Variants in SLC39A10 observed in about 807,000 individuals in gnomAD.
SLC39A10 encodes the protein solute carrier family 39 member 10.
SLC39A10 carries 13 observed loss-of-function variants against 65.1 expected under a neutral mutation model. The ratio of observed to expected loss-of-function variants is 0.20; its 90% CI spans 0.13 to 0.32. The LOEUF (loss-of-function observed/expected upper bound fraction) is 0.32, where lower values mean the gene tolerates loss of function less well. Among genes scored for constraint, SLC39A10 ranks in the 10% least tolerant of loss-of-function variants. SLC39A10 has a pLI of 1.00. For missense variants in SLC39A10, 831 were observed against 1,018.4 expected, an observed-to-expected ratio of 0.82 and a Z score of 2.50; for synonymous variants, 321 against 342.2, an observed-to-expected ratio of 0.94 and a Z score of 0.68.
At chr2:195,645,781 A>C (rs189527336) in intron 2 of SLC39A10, among the ~76,000 whole-genome samples, 18 of 152,332 alleles carry the variant, frequency 1.2e-4, no homozygotes, top group Admixed American at 2.0e-4. Context: ...TTCCAAAGCT[A>C]ATGTTAATGT....
rs1222820082 is a variant in SLC39A10 at position 195,737,199 on chromosome 2, T to A, written c.*2158T>A. The A allele has an allele frequency of 1.3e-5, 2 of 152,670 alleles. No homozygotes were observed. Among genetic ancestry groups the A allele is most frequent in the Admixed American group, 6.5e-5 (1 of 15,280 alleles). 9.5% of individuals were successfully genotyped at this position (152,670 alleles called of 1,614,324 possible). A position where few individuals can be genotyped will look rare whatever the true frequency, so the allele number is the denominator to read the frequency against. On this transcript the variant is annotated 3_prime_UTR_variant, in exon 10 of 10. Coordinates refer to ENST00000359634, the MANE Select transcript of SLC39A10 (RefSeq NM_020342.3). ...GTATTAGGGTTCCACATCATTCTAA[T>A]GTATAGTTTCAAGTCTTAATAGACA...
intron 3 of SLC39A10, among the ~76,000 whole-genome samples, chr2:195,703,139 C>T (rs949036146): frequency 1.3e-5 from 2 of 152,164 alleles, no homozygotes; most frequent in Non-Finnish European, 2.9e-5. Context: ...CTTTGAAATA[C>T]CCCCTATCTC....
intron 9 of SLC39A10, among the ~76,000 whole-genome samples, chr2:195,729,173 G>C (rs946945827): frequency 6.6e-6 from 1 of 151,556 alleles, no homozygotes; most frequent in African/African-American, 2.4e-5. Context: ...ATAGAGATAG[G>C]GTCTTTCTAT....
chr2:195,613,189 T>C (rs10199208), intron 2 of SLC39A10, among the ~76,000 whole-genome samples: 64,778 of 151,840 alleles, frequency 0.43, 15,710 homozygotes, highest in Non-Finnish European at 0.56. Context: ...CACCCCACCC[T>C]TCTATCCTCC....
intron 2 of SLC39A10, among the ~76,000 whole-genome samples, chr2:195,617,704 C>CGTTTCTTTTATTTTATTTTATTTTA (rs1688247313): frequency 1.4e-5 from 2 of 138,034 alleles, no homozygotes; most frequent in Non-Finnish European, 3.1e-5. Flanking sequence ...GACCTTGTTT[C>CGTTTCTTTTATTTTATTTTATTTTA]TTTTCTTTTC....
chr2:195,694,999 A>G lies in SLC39A10; in HGVS notation c.1216+11093A>G, dbSNP rs560129664. On this transcript the variant is annotated intron_variant, in intron 3 of 9. Transcript: ENST00000359634. ...TCTCCGCGGGGCCGGAGTCCCTGCT[A>G]AAGTGCTTCTCGCTTCGCAGGTAGG... Among the ~76,000 whole-genome samples the G allele has an allele frequency of 2.8e-3, 431 of 152,242 alleles. 2 individuals carry two copies. Among genetic ancestry groups the G allele is most frequent in the Non-Finnish European group, 5.2e-3 (356 of 68,002 alleles).
intron 2 of SLC39A10, among the ~76,000 whole-genome samples, chr2:195,681,672 AT>A (rs1369595747): frequency 6.6e-6 from 1 of 152,072 alleles, no homozygotes; most frequent in African/African-American, 2.4e-5. Context: ...AAGTGTTTTA[AT>A]GTTGTTAGAA....
At chr2:195,661,852 A>G (rs984126998) in intron 1 of SLC39A10, among the ~76,000 whole-genome samples, 1 of 152,252 alleles carries the variant, frequency 6.6e-6, no homozygotes, top group African/African-American at 2.4e-5. Flanking sequence ...TTCACAATCT[A>G]AAAGTAAATA....
chr2:195,625,372 T>A (rs1015322133), intron 2 of SLC39A10, among the ~76,000 whole-genome samples: 3 of 151,110 alleles, frequency 2.0e-5, no homozygotes, highest in Non-Finnish European at 2.9e-5. Flanking sequence ...GCCTCCCAAG[T>A]TCAAGCGATT....
chr2:195,658,959 TGAA>T (rs1348461427), intron 1 of SLC39A10, among the ~76,000 whole-genome samples: 1 of 152,204 alleles, frequency 6.6e-6, no homozygotes, highest in African/African-American at 2.4e-5. Flanking sequence ...TATGAAATAA[TGAA>T]GATATTAAAT....
At chr2:195,714,166 C>T (rs764006000) in intron 6 of SLC39A10, among the ~76,000 whole-genome samples, 9 of 152,160 alleles carry the variant, frequency 5.9e-5, no homozygotes, top group South Asian at 2.1e-4. Flanking sequence ...CTCCTGACCT[C>T]GTGATCTGCC....
chr2:195,655,161 C>T (rs1689120009), upstream of SLC39A10, among the ~76,000 whole-genome samples: 1 of 152,162 alleles, frequency 6.6e-6, no homozygotes, highest in Non-Finnish European at 1.5e-5. Context: ...CAGGTATTAA[C>T]CCACTAGTTC....
At chr2:195,631,483 A>G (rs1239231275) in intron 2 of SLC39A10, among the ~76,000 whole-genome samples, 1 of 152,170 alleles carries the variant, frequency 6.6e-6, no homozygotes, top group Non-Finnish European at 1.5e-5. Flanking sequence ...ATGAAAATAT[A>G]TTAATCCTTG....
rs1691391170 is a variant in SLC39A10, at chr2:195,706,206, A to G, written c.1217-410A>G. Among the ~76,000 whole-genome samples, 3 of 152,142 alleles carry G rather than the reference A, an allele frequency of 2.0e-5. No homozygotes were observed. The South Asian group carries it at 6.2e-4, about 32-fold the overall frequency. ...GATTTACAAAGATTGTAACACGTTA[A>G]ATAGATACTTGGCTTTTTTAATGTT... is the stretch of plus-strand genomic sequence containing the variant. On this transcript the variant is annotated intron_variant, in intron 3 of 9. Coordinates refer to ENST00000359634, the MANE Select transcript of SLC39A10 (RefSeq NM_020342.3).
intron 2 of SLC39A10, among the ~76,000 whole-genome samples, chr2:195,617,974 C>G (rs112620756): frequency 0.088 from 13,279 of 150,488 alleles, 764 homozygotes; most frequent in Middle Eastern, 0.2. Flanking sequence ...CTCCAGACCT[C>G]GTGATCCGCC....
chr2:195,632,289 C>CTTT, intron 2 of SLC39A10, among the ~76,000 whole-genome samples: 1 of 116,284 alleles, frequency 8.6e-6, no homozygotes, highest in African/African-American at 3.7e-5. Flanking sequence ...CATTCTACTT[C>CTTT]CTTTTTTTTT....
chr2:195,734,769 T>C, intron 9 of SLC39A10, 114 bp from the exon 10 acceptor site: 1 of 996,568 alleles, frequency 1.0e-6, no homozygotes, highest in East Asian at 2.7e-5. Flanking sequence ...AAAATAATTA[T>C]TTTGTCTGTA....
At chr2:195,724,303 A>G (rs1439982295) in intron 8 of SLC39A10, among the ~76,000 whole-genome samples, 1 of 152,212 alleles carries the variant, frequency 6.6e-6, no homozygotes, top group Non-Finnish European at 1.5e-5. Flanking sequence ...GATTTATCAA[A>G]AGATGAATAG....
chr2:195,656,586 C>T (rs1689149483), upstream of SLC39A10, among the ~76,000 whole-genome samples: 1 of 152,112 alleles, frequency 6.6e-6, no homozygotes, highest in Non-Finnish European at 1.5e-5. Flanking sequence ...AGTAAGTGTG[C>T]TTTAGAATTA....
Sources: gnomAD v4.1 joint callset for allele counts (sites outside exome capture counted in the v4.1 genomes callset) on GRCh38, gnomAD v4.1.1 for gene constraint, MANE v1.5 for transcripts, NCBI Gene and HGNC (gene_info 2026-07-23, HGNC 2026-07-21) for gene names.